NAA15: variants seen among roughly 807,000 people sequenced by gnomAD.
The protein encoded by NAA15 is N-alpha-acetyltransferase 15, NatA auxiliary subunit, also known as N-terminal acetyltransferase.
In NAA15, 34 loss-of-function variants were observed where a neutral mutation model predicts 114.0. That is an observed-to-expected ratio of 0.30 (90% CI 0.23 to 0.40). NAA15 has a LOEUF of 0.40. Among genes scored for constraint, NAA15 ranks in the 10% least tolerant of loss-of-function variants. The pLI is 1.00. For synonymous variants in NAA15, 340 were observed against 338.0 expected, an observed-to-expected ratio of 1.01 and a Z score of -0.06; for missense variants, 658 against 1,004.5, an observed-to-expected ratio of 0.66 and a Z score of 4.66.
intron 14 of NAA15, among the ~76,000 whole-genome samples, chr4:139,366,042 G>A (rs1356387296): frequency 6.8e-6 from 1 of 146,492 alleles, no homozygotes; most frequent in Non-Finnish European, 1.5e-5. Flanking sequence ...TTTGCGTTTT[G>A]TTTTTAGTAT....
chr4:139,385,294 A>ATATATAATATATATATATAATATATAT (rs1748878232), intron 18 of NAA15, among the ~76,000 whole-genome samples: 8 of 95,196 alleles, frequency 8.4e-5, no homozygotes, highest in African/African-American at 3.4e-4. Flanking sequence ...ATATATATAT[A>ATATATAATATATATATATAATATATAT]TATATAATAT....
In NAA15 at chr4:139,390,521, C is replaced by G. The variant is rs983473509; in HGVS notation, c.*2437C>G. ...GGAAAAAATGGAGTGATGTTGTAAT[C>G]TAAACAAGTGCCTTATGTTTATTGC... is the stretch of plus-strand genomic sequence containing the variant. On this transcript the variant is annotated 3_prime_UTR_variant, in exon 20 of 20. Transcript: ENST00000296543. 15 of 152,620 alleles carry G rather than the reference C, an allele frequency of 9.8e-5. No homozygotes were observed. Among genetic ancestry groups the G allele is most frequent in the Admixed American group, 3.3e-4 (5 of 15,278 alleles). The allele number at this position is 152,620 out of a possible 1,614,324, so 9.5% of individuals were successfully genotyped here. A position where few individuals can be genotyped will look rare whatever the true frequency, so the allele number is the denominator to read the frequency against.
In NAA15 at chr4:139,388,298, G is replaced by T; in HGVS notation, c.*214G>T. 1 of 374,826 alleles carries T rather than the reference G, an allele frequency of 2.7e-6. No homozygotes were observed. The highest frequency in any genetic ancestry group is 4.7e-6 in the Non-Finnish European group (1 of 210,820). The allele number at this position is 374,826 out of a possible 1,614,324, so 23.2% of individuals were successfully genotyped here. A position where few individuals can be genotyped will look rare whatever the true frequency, so the allele number is the denominator to read the frequency against. ...AGGTTCAGTTTCTTAAAAAATTAAA[G>T]CTGCTAAAATTGAGTGGTTAAAAAA... On this transcript the variant is annotated 3_prime_UTR_variant, in exon 20 of 20. Transcript: ENST00000296543.
At chr4:139,376,342 A>G (rs1748580417) in intron 15 of NAA15, 23 bp from the exon 16 acceptor site, 1 of 1,395,312 alleles carries the variant, frequency 7.2e-7, no homozygotes, top group Admixed American at 1.8e-5. Context: ...TTTCATTTGT[A>G]TAATATCTTT....
At chr4:139,328,748 A>G (rs1440076989) in intron 1 of NAA15, among the ~76,000 whole-genome samples, 3 of 150,236 alleles carry the variant, frequency 2.0e-5, no homozygotes, top group Non-Finnish European at 4.4e-5. Context: ...TTGTAATATT[A>G]GTAGAGATGG....
intron 1 of NAA15, among the ~76,000 whole-genome samples, chr4:139,320,541 C>T (rs1303318190): frequency 3.9e-5 from 6 of 152,016 alleles, no homozygotes; most frequent in African/African-American, 1.4e-4. Flanking sequence ...TATGTTTTGA[C>T]ACGGAGTCTC....
intron 15 of NAA15, among the ~76,000 whole-genome samples, chr4:139,372,849 G>A (rs1309275746): frequency 6.6e-6 from 1 of 151,946 alleles, no homozygotes; most frequent in Non-Finnish European, 1.5e-5. Flanking sequence ...GATACATTCT[G>A]ACAAATGCAT....
In NAA15 at chr4:139,301,930, C is replaced by T. The variant is rs913024762; in HGVS notation, c.54+99C>T. 5 of 1,299,508 alleles carry T rather than the reference C, an allele frequency of 3.8e-6. No homozygotes were observed. In the African/African-American group the frequency reaches 7.4e-5, roughly 19 times the overall value. 80.5% of individuals were successfully genotyped at this position (1,299,508 alleles called of 1,614,324 possible). On this transcript the variant is annotated intron_variant, in intron 1 of 19. Coordinates refer to ENST00000296543, the MANE Select transcript of NAA15 (RefSeq NM_057175.5). ...CCGGCGGGCACTGAGCCACTCCCGCCCGGGACCCCGCCTTCATAGCTCTCG... is the reference window on the plus strand; with the variant it reads ...CCGGCGGGCACTGAGCCACTCCCGCTCGGGACCCCGCCTTCATAGCTCTCG...
chr4:139,326,361 T>A (rs1274341898), intron 1 of NAA15, among the ~76,000 whole-genome samples: 2 of 152,174 alleles, frequency 1.3e-5, no homozygotes, highest in African/African-American at 4.8e-5. Flanking sequence ...TTAAATAAAT[T>A]TTCCCTGTAA....
chr4:139,382,877 A>G (rs114006065), intron 17 of NAA15, among the ~76,000 whole-genome samples: 1,716 of 152,320 alleles, frequency 0.011, 18 homozygotes, highest in Non-Finnish European at 0.017. Flanking sequence ...CACTTAGAAA[A>G]TGTTTCCTAC....
intron 16 of NAA15, among the ~76,000 whole-genome samples, chr4:139,377,593 A>G (rs534198369): frequency 1.2e-4 from 18 of 152,192 alleles, no homozygotes; most frequent in African/African-American, 3.6e-4. Context: ...AAAAGTTGCT[A>G]TATTATATTA....
In NAA15 at chr4:139,340,906, C is replaced by A; in HGVS notation, c.245-6C>A. 1 of 1,531,988 alleles carries A rather than the reference C, an allele frequency of 6.5e-7. No homozygotes were observed. Among genetic ancestry groups the A allele is most frequent in the Non-Finnish European group, 8.7e-7 (1 of 1,143,950 alleles). The allele number at this position is 1,531,988 out of a possible 1,614,324, so 94.9% of individuals were successfully genotyped here. Reference sequence around the variant, plus strand: ...TGTAGGTTGTACCCTTAACTAAATTCTTTAGGTTGGCACGTTTATGGCCTT... The same window carrying A: ...TGTAGGTTGTACCCTTAACTAAATTATTTAGGTTGGCACGTTTATGGCCTT... On this transcript the variant is annotated splice_region_variant and splice_polypyrimidine_tract_variant and intron_variant, in intron 3 of 19. Transcript: ENST00000296543.
At chr4:139,351,781 C>CT (rs201010120) in intron 9 of NAA15, among the ~76,000 whole-genome samples, 170 bp downstream of exon 9, 3 of 151,944 alleles carry the variant, frequency 2.0e-5, no homozygotes, top group African/African-American at 7.3e-5. Context: ...ATTTCATCCT[C>CT]TTTTTTTTCT....
chr4:139,309,454 TGTGTGTGTGTGTG>T (rs1746142849), intron 1 of NAA15, among the ~76,000 whole-genome samples: 1 of 151,148 alleles, frequency 6.6e-6, no homozygotes, highest in Non-Finnish European at 1.5e-5. Context: ...TGTGTGTGTG[TGTGTGTGTGTGTG>T]TGTCCAGGAT....
At chr4:139,310,778 C>G (rs78704763) in intron 1 of NAA15, among the ~76,000 whole-genome samples, 3,148 of 151,730 alleles carry the variant, frequency 0.021, 124 homozygotes, top group African/African-American at 0.071. Context: ...CCTACCACAC[C>G]TGGCTAATTT....
intron 3 of NAA15, among the ~76,000 whole-genome samples, chr4:139,337,309 A>G (rs528722364): frequency 3.3e-5 from 5 of 152,332 alleles, no homozygotes; most frequent in African/African-American, 1.2e-4. Flanking sequence ...CTCAAAAAGA[A>G]AAAGGATATA....
At chr4:139,312,857 AAAAGT>A (rs1455329202) in intron 1 of NAA15, among the ~76,000 whole-genome samples, 1 of 151,780 alleles carries the variant, frequency 6.6e-6, no homozygotes, top group African/African-American at 2.4e-5. Flanking sequence ...GGGGGAAAAA[AAAAGT>A]AAAATAAAAA....
intron 13 of NAA15, 27 bp from the exon 14 acceptor site, chr4:139,361,697 A>C: frequency 7.1e-7 from 1 of 1,412,172 alleles, no homozygotes; most frequent in Non-Finnish European, 9.7e-7. Flanking sequence ...GTACTTCGGT[A>C]TAATAATAAA....
At chr4:139,326,085 C>A (rs1046399457) in intron 1 of NAA15, among the ~76,000 whole-genome samples, 1 of 152,038 alleles carries the variant, frequency 6.6e-6, no homozygotes, top group African/African-American at 2.4e-5. Context: ...GGTTGATTTT[C>A]TTTTTTCATT....
Sources: allele counts gnomAD v4.1 joint callset (sites outside exome capture counted in the v4.1 genomes callset), GRCh38; gene constraint gnomAD v4.1.1; transcripts MANE v1.5; gene names NCBI Gene and HGNC (gene_info 2026-07-23, HGNC 2026-07-21).